The following INPP4B variants were observed in gnomAD, a reference collection of about 807,000 sequenced individuals.
INPP4B encodes the protein inositol polyphosphate 4-phosphatase type II.
INPP4B carries 55 observed loss-of-function variants against 122.5 expected under a neutral mutation model. The ratio of observed to expected loss-of-function variants is 0.45; its 90% CI spans 0.36 to 0.56. The LOEUF is 0.56. Ranked by LOEUF, INPP4B falls within the 20% of genes least tolerant of loss-of-function variation. The pLI, the probability that INPP4B is intolerant of heterozygous loss-of-function variation, is 0.00. For synonymous variants in INPP4B, 403 were observed against 388.7 expected (o/e 1.04, Z -0.43); for missense variants, 1,000 against 1,097.7 (o/e 0.91, Z 1.26).
chr4:142,653,032 A>G (rs1328226655), intron 2 of INPP4B, among the ~76,000 whole-genome samples: 2 of 152,190 alleles, frequency 1.3e-5, no homozygotes, highest in Non-Finnish European at 2.9e-5. Flanking sequence ...AGATTTATAG[A>G]CCAATGGAAT....
intron 7 of INPP4B, among the ~76,000 whole-genome samples, chr4:142,339,697 AATT>A (rs1232566987): frequency 1.3e-5 from 2 of 152,120 alleles, no homozygotes; most frequent in African/African-American, 2.4e-5. Flanking sequence ...CAGAAAAGTG[AATT>A]ATGTCTCAAG....
intron 2 of INPP4B, among the ~76,000 whole-genome samples, chr4:142,531,473 C>T (rs893041390): frequency 2.6e-5 from 4 of 152,076 alleles, no homozygotes; most frequent in African/African-American, 9.7e-5. Flanking sequence ...TATCTAGCAT[C>T]AAAAACTTGA....
chr4:142,718,324 G>A (rs1284353105), intron 2 of INPP4B, among the ~76,000 whole-genome samples: 1 of 152,198 alleles, frequency 6.6e-6, no homozygotes, highest in Non-Finnish European at 1.5e-5. Context: ...TTTAAGTGTA[G>A]TTAAAACAGT....
intron 2 of INPP4B, among the ~76,000 whole-genome samples, chr4:142,643,278 A>G (rs1297287337): frequency 2.0e-5 from 3 of 152,168 alleles, no homozygotes; most frequent in Non-Finnish European, 4.4e-5. Flanking sequence ...AAAACTGTGG[A>G]AAAAAACAAG....
chr4:142,086,766 C>T (rs1360316165), intron 23 of INPP4B, among the ~76,000 whole-genome samples: 1 of 152,164 alleles, frequency 6.6e-6, no homozygotes, highest in Non-Finnish European at 1.5e-5. Context: ...GCTTAATTCT[C>T]TCATTCTCTA....
chr4:142,333,717 A>ATT (rs139407183), intron 7 of INPP4B, among the ~76,000 whole-genome samples: 6 of 151,768 alleles, frequency 4.0e-5, no homozygotes, highest in Non-Finnish European at 5.9e-5. Flanking sequence ...CAATGAGTTC[A>ATT]TTTTTTTTCC....
intron 2 of INPP4B, among the ~76,000 whole-genome samples, chr4:142,483,182 CTTTTTTTTTTTT>C (rs5862604): frequency 2.1e-5 from 1 of 48,326 alleles, no homozygotes; most frequent in African/African-American, 9.9e-5. Context: ...TCAGGCTATG[CTTTTTTTTTTTT>C]TTTTTTTTTT....
At chr4:142,664,306 C>T (rs1755668531) in intron 2 of INPP4B, among the ~76,000 whole-genome samples, 1 of 152,174 alleles carries the variant, frequency 6.6e-6, no homozygotes, top group African/African-American at 2.4e-5. Context: ...CCCTGGTTCT[C>T]TTTGCCATCT....
chr4:142,647,884 G>A (rs1476802453), intron 2 of INPP4B, among the ~76,000 whole-genome samples: 1 of 152,196 alleles, frequency 6.6e-6, no homozygotes, highest in Non-Finnish European at 1.5e-5. Flanking sequence ...ACTTTCTTTT[G>A]TTCTACCGTT....
chr4:142,740,030 A>G (rs1235283783), intron 1 of INPP4B, among the ~76,000 whole-genome samples: 1 of 152,112 alleles, frequency 6.6e-6, no homozygotes, highest in African/African-American at 2.4e-5. Flanking sequence ...AAGCATGTAT[A>G]AAACATAGTA....
intron 25 of INPP4B, among the ~76,000 whole-genome samples, chr4:142,057,757 G>A (rs764853113): frequency 7.2e-5 from 11 of 151,992 alleles, no homozygotes; most frequent in African/African-American, 9.7e-5. Flanking sequence ...CTGCATATCC[G>A]TTACCTCTTT....
At chr4:142,123,457 C>T (rs372525515) in intron 19 of INPP4B, 42 bp from the exon 20 acceptor site, 147 of 1,588,512 alleles carry the variant, frequency 9.3e-5, no homozygotes, top group Non-Finnish European at 1.2e-4. Context: ...AGTTAGCAAA[C>T]GTATTTGTTT....
At position 142,299,522 on chromosome 4, in the gene INPP4B, G is replaced by GTT. The variant is rs71586276; in HGVS notation, c.503+5934_503+5935dup. On this transcript the variant is annotated intron_variant, in intron 9 of 25. Transcript: ENST00000262992. The stretch of plus-strand genomic sequence containing the variant: ...GCTTTTAGGTCTTATGAAGTTTTTA[G>GTT]TTTTTTTTTTTTTTTCTACACAAAA... 5.4e-3 allele frequency among the ~76,000 whole-genome samples: 742 copies of GTT among 138,216 alleles called. 7 individuals carry two copies. The highest frequency in any genetic ancestry group is 0.017 in the African/African-American group (639 of 37,926). The allele number at this position is 138,216 out of a possible 152,430, so 90.7% of individuals were successfully genotyped here. A position where few individuals can be genotyped will look rare whatever the true frequency, so the allele number is the denominator to read the frequency against.
At chr4:142,155,067 T>C (rs997553023) in intron 17 of INPP4B, among the ~76,000 whole-genome samples, 1 of 151,802 alleles carries the variant, frequency 6.6e-6, no homozygotes, top group Non-Finnish European at 1.5e-5. Flanking sequence ...CATCTATCAC[T>C]TACAAAATTT....
chr4:142,457,841 C>T (rs537527431), intron 3 of INPP4B, among the ~76,000 whole-genome samples: 2 of 152,142 alleles, frequency 1.3e-5, no homozygotes, highest in Non-Finnish European at 2.9e-5. Flanking sequence ...AGCAATCCTC[C>T]CACCTTGGCC....
intron 2 of INPP4B, among the ~76,000 whole-genome samples, chr4:142,478,757 C>T (rs1445095245): frequency 6.6e-6 from 1 of 152,064 alleles, no homozygotes; most frequent in Non-Finnish European, 1.5e-5. Flanking sequence ...CTTTTTTCTG[C>T]TGTGATTCTG....
At chr4:142,035,379 G>A (rs540232168) in intron 25 of INPP4B, among the ~76,000 whole-genome samples, 1 of 152,168 alleles carries the variant, frequency 6.6e-6, no homozygotes. Context: ...CAGATGCTGT[G>A]AGCCGAGATA....
chr4:142,673,776 C>T (rs1757324448), intron 2 of INPP4B, among the ~76,000 whole-genome samples: 1 of 152,116 alleles, frequency 6.6e-6, no homozygotes, highest in Admixed American at 6.6e-5. Context: ...GTTCGTCAGA[C>T]TAATTTTCCT....
chr4:142,414,797 T>C (rs929480361), intron 5 of INPP4B, among the ~76,000 whole-genome samples: 3 of 152,224 alleles, frequency 2.0e-5, no homozygotes, highest in African/African-American at 7.2e-5. Context: ...GCACCGCCTA[T>C]CGTTGCATTC....
Sources: allele counts gnomAD v4.1 joint callset (sites outside exome capture counted in the v4.1 genomes callset), GRCh38; gene constraint gnomAD v4.1.1; transcripts MANE v1.5; gene names NCBI Gene and HGNC (gene_info 2026-07-23, HGNC 2026-07-21).